ADGRD1: variants seen among roughly 807,000 people sequenced by gnomAD.
ADGRD1 encodes G-protein coupled receptor 133.
Under a neutral mutation model 113.4 loss-of-function variants are expected in ADGRD1, and 77 were observed. The ratio of observed to expected loss-of-function variants is 0.68; its 90% CI spans 0.57 to 0.82. ADGRD1 has a LOEUF of 0.82. Among genes scored for constraint, ADGRD1 ranks in the 40% least tolerant of loss-of-function variants. ADGRD1 has a pLI of 0.00. For missense variants in ADGRD1, 1,036 were observed against 1,139.1 expected, an observed-to-expected ratio of 0.91 and a Z score of 1.30; for synonymous variants, 474 against 475.0, an observed-to-expected ratio of 1.00 and a Z score of 0.03.
chr12:130,989,721 A>G (rs1260284850), intron 6 of ADGRD1: 2 of 152,294 alleles, frequency 1.3e-5, no homozygotes, highest in Non-Finnish European at 2.9e-5. Context: ...GGCAGAGGTG[A>G]CACCTCCTCT....
rs1886271461 is a variant in ADGRD1, at chr12:131,084,079, C to T, written c.1548-461C>T. Among the ~76,000 whole-genome samples the T allele has an allele frequency of 6.6e-6, 1 of 152,216 alleles. No homozygotes were observed. Among genetic ancestry groups the T allele is most frequent in the Non-Finnish European group, 1.5e-5 (1 of 68,048 alleles). ...CGATGCGAGGTCTTTTATCATATTT[C>T]TCTCTCCCACACTGCACTCACCCGT... On this transcript the variant is annotated intron_variant, in intron 14 of 24. Coordinates refer to ENST00000261654, the MANE Select transcript of ADGRD1 (RefSeq NM_198827.5). The surrounding 1 kb of genome is among the most constrained non-coding windows in gnomAD (Gnocchi z 4.5).
intron 2 of ADGRD1, among the ~76,000 whole-genome samples, chr12:130,964,016 T>C (rs759277361): frequency 2.0e-5 from 3 of 152,208 alleles, no homozygotes; most frequent in Admixed American, 6.5e-5. Context: ...TTTAAACTTA[T>C]GAGCAAGGTT....
At position 130,966,649 on chromosome 12, in the gene ADGRD1, G is replaced by A. The variant is rs1871031855; in HGVS notation, c.187+103G>A. The A allele has an allele frequency of 7.9e-6, 6 of 755,944 alleles. No homozygotes were observed. In the East Asian group the frequency reaches 1.5e-4, roughly 19 times the overall value. 46.8% of individuals were successfully genotyped at this position (755,944 alleles called of 1,614,324 possible). Reference sequence around the variant, plus strand: ...CTGGCCTTGAAATCCCAGGGCCATTGGGGGACGTGGGTGCTGAGAGTGACT... The same window carrying A: ...CTGGCCTTGAAATCCCAGGGCCATTAGGGGACGTGGGTGCTGAGAGTGACT... On this transcript the variant is annotated intron_variant, in intron 3 of 24. Coordinates refer to ENST00000261654, the MANE Select transcript of ADGRD1 (RefSeq NM_198827.5). The surrounding 1 kb of genome is among the most constrained non-coding windows in gnomAD (Gnocchi z 4.6).
intron 2 of ADGRD1, among the ~76,000 whole-genome samples, chr12:130,961,211 G>A (rs1429960381): frequency 1.3e-5 from 2 of 152,148 alleles, no homozygotes; most frequent in Non-Finnish European, 2.9e-5. Flanking sequence ...GAAGAAAAAT[G>A]GAAAAGGAAA....
At position 131,138,117 on chromosome 12, in the gene ADGRD1, A is replaced by C; in HGVS notation, c.2437-20A>C. 1 of 1,609,690 alleles carries C rather than the reference A, an allele frequency of 6.2e-7. No individual in the cohort carries two copies. Among genetic ancestry groups the C allele is most frequent in the South Asian group, 1.1e-5 (1 of 90,976 alleles). ...TGCAGCCTCTGAAATTGCTCTCACG[A>C]TCCCTTCCCCGCTTTCAAGGTGAGA... On this transcript the variant is annotated intron_variant, in intron 23 of 24. Coordinates refer to ENST00000261654, the MANE Select transcript of ADGRD1 (RefSeq NM_198827.5).
chr12:130,986,159 C>G (rs898313599), intron 5 of ADGRD1, among the ~76,000 whole-genome samples: 3 of 152,134 alleles, frequency 2.0e-5, no homozygotes, highest in African/African-American at 4.8e-5. Flanking sequence ...TCTCTTCCTT[C>G]TCCATAGTTT....
chr12:131,008,687 C>G (rs1401175594), intron 12 of ADGRD1, among the ~76,000 whole-genome samples: 1 of 152,212 alleles, frequency 6.6e-6, no homozygotes. Context: ...CCTGGCCCCG[C>G]AATGATGGAG....
chr12:131,086,301 G>A (rs1239308731), intron 15 of ADGRD1, among the ~76,000 whole-genome samples: 3 of 152,162 alleles, frequency 2.0e-5, no homozygotes, highest in Non-Finnish European at 4.4e-5. Context: ...AAGGTGTAAC[G>A]GAGGCAGAAT....
Position 131,057,579 on chromosome 12 carries a change from GTC to G in ADGRD1, c.1474-19218_1474-19217del, listed in dbSNP as rs1358369531. Among the ~76,000 whole-genome samples, 4 of 152,160 alleles carry G rather than the reference GTC, an allele frequency of 2.6e-5. No individual in the cohort carries two copies. The highest frequency in any genetic ancestry group is 9.7e-5 in the African/African-American group (4 of 41,446). Reference sequence around the variant, plus strand: ...TCCTGGCCTGCGGCAGCCAACTCCAGTCTCTGCCCCGTCTCCCCACGGCCTCC... The same window carrying G: ...TCCTGGCCTGCGGCAGCCAACTCCAGTCTGCCCCGTCTCCCCACGGCCTCC... On this transcript the variant is annotated intron_variant, in intron 13 of 24. Coordinates refer to ENST00000261654, the MANE Select transcript of ADGRD1 (RefSeq NM_198827.5). The surrounding 1 kb of genome is among the most constrained non-coding windows in gnomAD (Gnocchi z 4.2).
At chr12:131,065,403 G>A (rs547063044) in intron 13 of ADGRD1, among the ~76,000 whole-genome samples, 5 of 152,316 alleles carry the variant, frequency 3.3e-5, no homozygotes, top group East Asian at 3.9e-4. Flanking sequence ...GTGGACCCTC[G>A]GCTCTGTCTG....
chr12:131,107,219 G>A (rs1173209978), intron 17 of ADGRD1, among the ~76,000 whole-genome samples: 2 of 151,552 alleles, frequency 1.3e-5, no homozygotes, highest in African/African-American at 2.4e-5. Flanking sequence ...GATGGGTCCC[G>A]CTCTCCCAGA....
intron 23 of ADGRD1, chr12:131,137,630 G>A (rs566709661): frequency 6.6e-5 from 14 of 213,156 alleles, no homozygotes; most frequent in East Asian, 2.3e-4. Context: ...GGCGGTGTCC[G>A]TTTGCAAGGA....
intron 24 of ADGRD1, among the ~76,000 whole-genome samples, chr12:131,138,793 C>A (rs977663320): frequency 3.9e-5 from 6 of 152,256 alleles, no homozygotes; most frequent in Non-Finnish European, 2.9e-5. Context: ...GCTCTAGCCC[C>A]ACGGCTACAG....
intron 20 of ADGRD1, among the ~76,000 whole-genome samples, chr12:131,127,573 G>A (rs1312096433): frequency 1.3e-5 from 2 of 150,170 alleles, no homozygotes; most frequent in East Asian, 4.0e-4. Flanking sequence ...TGGTTGTGAT[G>A]GGACCCTGAG....
At position 130,984,368 on chromosome 12, in the gene ADGRD1, G is replaced by A. The variant is rs900626695; in HGVS notation, c.490+2305G>A. Among the ~76,000 whole-genome samples the A allele has an allele frequency of 1.6e-4, 24 of 152,182 alleles. No homozygotes were observed. Among genetic ancestry groups the A allele is most frequent in the Admixed American group, 5.2e-4 (8 of 15,286 alleles). On this transcript the variant is annotated intron_variant, in intron 5 of 24. Coordinates refer to ENST00000261654, the MANE Select transcript of ADGRD1 (RefSeq NM_198827.5). This position sits in a 1 kb window ranked among gnomAD's most constrained non-coding sequence, Gnocchi z 4.1. ...GCACTGCAGTCAGCACAGAAGCCACGTCCTCAGGGAAAGCTCGTTACTGTG... is the reference window on the plus strand; with the variant it reads ...GCACTGCAGTCAGCACAGAAGCCACATCCTCAGGGAAAGCTCGTTACTGTG...
Position 131,003,474 on chromosome 12 carries a change from G to A in ADGRD1, c.1144+172G>A, listed in dbSNP as rs1876661348. On this transcript the variant is annotated intron_variant, in intron 10 of 24. Coordinates refer to ENST00000261654, the MANE Select transcript of ADGRD1 (RefSeq NM_198827.5). The surrounding 1 kb of genome is among the most constrained non-coding windows in gnomAD (Gnocchi z 4.8). ...AACCCGTGGTCAGATGAGGGCAGGT[G>A]TGTTCGGCCATGATATGCAGATGGG... Among the ~76,000 whole-genome samples the A allele has an allele frequency of 6.6e-6, 1 of 152,230 alleles. No individual in the cohort carries two copies. The highest frequency in any genetic ancestry group is 2.1e-4 in the South Asian group (1 of 4,834).
At chr12:131,033,018 C>CA (rs1880965901) in intron 13 of ADGRD1, among the ~76,000 whole-genome samples, 2 of 152,174 alleles carry the variant, frequency 1.3e-5, no homozygotes, top group South Asian at 4.1e-4. Flanking sequence ...CACCCCGTCA[C>CA]AGAGACCACT....
chr12:131,095,277 G>A (rs1452709732), intron 15 of ADGRD1, among the ~76,000 whole-genome samples: 1 of 152,238 alleles, frequency 6.6e-6, no homozygotes, highest in Non-Finnish European at 1.5e-5. Flanking sequence ...TGCAGTCCTG[G>A]GGGCAGGGAG....
intron 18 of ADGRD1, among the ~76,000 whole-genome samples, chr12:131,115,958 G>A (rs1378835578): frequency 1.3e-5 from 2 of 152,212 alleles, no homozygotes; most frequent in East Asian, 1.9e-4. Flanking sequence ...AGCTGGTCCC[G>A]GGCAGCCCCA....
Sources: allele counts gnomAD v4.1 joint callset (sites outside exome capture counted in the v4.1 genomes callset), GRCh38; gene constraint gnomAD v4.1.1; non-coding constraint Gnocchi (gnomAD v3.1); transcripts MANE v1.5; gene names NCBI Gene and HGNC (gene_info 2026-07-23, HGNC 2026-07-21).